Variants in B3GAT2 observed in about 807,000 individuals in gnomAD.
B3GAT2 encodes beta-1,3-glucuronyltransferase 2.
Under a neutral mutation model 27.8 loss-of-function variants are expected in B3GAT2, and 26 were observed. The observed-to-expected ratio is 0.93, with a 90% confidence interval of 0.68 to 1.30. The LOEUF (loss-of-function observed/expected upper bound fraction) is 1.30, where lower values mean the gene tolerates loss of function less well. Ranked by LOEUF, B3GAT2 falls within the 50% of genes most tolerant of loss-of-function variation. The pLI, the probability that B3GAT2 is intolerant of heterozygous loss-of-function variation, is 0.00. For missense variants in B3GAT2, 458 were observed against 459.0 expected (o/e 1.00, Z 0.02); for synonymous variants, 218 against 195.1 (o/e 1.12, Z -0.98).
intron 1 of B3GAT2, among the ~76,000 whole-genome samples, chr6:70,947,134 G>A (rs1765499973): frequency 2.0e-5 from 3 of 152,012 alleles, no homozygotes; most frequent in African/African-American, 7.2e-5. Context: ...AAGCAGGAAA[G>A]ATTCAAAATT....
intron 2 of B3GAT2, among the ~76,000 whole-genome samples, chr6:70,881,363 C>G (rs1271373220): frequency 1.3e-5 from 2 of 152,200 alleles, no homozygotes; most frequent in Non-Finnish European, 2.9e-5. Context: ...TTCCTATACT[C>G]TTTCAGTGGG....
rs775354035 is a variant in B3GAT2 at position 70,859,353 on chromosome 6, C to G, written c.*2310G>C. 3.9e-6 allele frequency: 6 copies of G among 1,549,058 alleles called. No homozygotes were observed. In the South Asian group the frequency reaches 4.8e-5, roughly 12 times the overall value. On this transcript the variant is annotated 3_prime_UTR_variant, in exon 4 of 4. Coordinates refer to ENST00000230053, the MANE Select transcript of B3GAT2 (RefSeq NM_080742.3). Reference sequence around the variant, plus strand: ...GATAATGCAGAAGGGTGATGCTGTTCTCCAGCACTCCATCAGTGCAATCTA... The same window carrying G: ...GATAATGCAGAAGGGTGATGCTGTTGTCCAGCACTCCATCAGTGCAATCTA...
chr6:70,915,631 C>T (rs1187340742), intron 1 of B3GAT2, among the ~76,000 whole-genome samples: 1 of 152,156 alleles, frequency 6.6e-6, no homozygotes, highest in Admixed American at 6.5e-5. Context: ...TATGGCTAGC[C>T]TGTTTTCCCA....
chr6:70,936,603 T>TA (rs1562234238), intron 1 of B3GAT2, among the ~76,000 whole-genome samples: 4 of 151,892 alleles, frequency 2.6e-5, no homozygotes, highest in African/African-American at 9.7e-5. Flanking sequence ...AGAAACTCAC[T>TA]CAAAACCGCT....
intron 1 of B3GAT2, among the ~76,000 whole-genome samples, chr6:70,919,106 T>C (rs1395147411): frequency 1.3e-5 from 2 of 152,240 alleles, no homozygotes; most frequent in African/African-American, 4.8e-5. Context: ...TTTCACTCTT[T>C]TTTCTCTAAT....
intron 1 of B3GAT2, among the ~76,000 whole-genome samples, chr6:70,929,628 A>T (rs1418572824): frequency 6.6e-6 from 1 of 152,226 alleles, no homozygotes; most frequent in Admixed American, 6.5e-5. Context: ...CCAGGAATCC[A>T]ACTTACAAGG....
chr6:70,936,391 C>T (rs1222847114), intron 1 of B3GAT2, among the ~76,000 whole-genome samples: 1 of 152,002 alleles, frequency 6.6e-6, no homozygotes, highest in Non-Finnish European at 1.5e-5. Flanking sequence ...CTCAGCTCTG[C>T]ACCAAGCGGA....
At chr6:70,897,291 C>G (rs1772404057) in intron 1 of B3GAT2, among the ~76,000 whole-genome samples, 1 of 151,972 alleles carries the variant, frequency 6.6e-6, no homozygotes, top group Non-Finnish European at 1.5e-5. Context: ...GCACACAAAT[C>G]TTTTATATGA....
chr6:70,953,295 C>G (rs367889427), intron 1 of B3GAT2, among the ~76,000 whole-genome samples: 1 of 152,182 alleles, frequency 6.6e-6, no homozygotes, highest in East Asian at 1.9e-4. Context: ...ATAATTTACA[C>G]GGAATCATTA....
At chr6:70,931,436 TG>T (rs1773061561) in intron 1 of B3GAT2, among the ~76,000 whole-genome samples, 1 of 152,164 alleles carries the variant, frequency 6.6e-6, no homozygotes, top group Non-Finnish European at 1.5e-5. Flanking sequence ...CAGCTGTACA[TG>T]TGTAAAGCTC....
chr6:70,883,110 C>T (rs565752806), intron 2 of B3GAT2, among the ~76,000 whole-genome samples: 2 of 152,254 alleles, frequency 1.3e-5, no homozygotes, highest in African/African-American at 2.4e-5. Context: ...AATCTGGAAC[C>T]TTCCTGCATT....
chr6:70,883,508 C>T (rs999359221), intron 2 of B3GAT2, among the ~76,000 whole-genome samples: 2 of 149,754 alleles, frequency 1.3e-5, no homozygotes, highest in Non-Finnish European at 3.0e-5. Context: ...TATGAGGTAC[C>T]TAGAATAGTC....
chr6:70,861,982 TGTG>T lies in B3GAT2; in HGVS notation c.737-7_737-5del. ...ACTTGAAGACTTACAGCAAATCCTTTGTGAAAAATAAAAAAAAAAAAGAGACTT... is the reference window on the plus strand; with the variant it reads ...ACTTGAAGACTTACAGCAAATCCTTTAAAAATAAAAAAAAAAAAGAGACTT... On this transcript the variant is annotated splice_polypyrimidine_tract_variant and splice_region_variant and intron_variant, in intron 2 of 3. Transcript: ENST00000230053. The T allele has an allele frequency of 6.4e-7, 1 of 1,572,388 alleles. No homozygotes were observed. Among genetic ancestry groups the T allele is most frequent in the Admixed American group, 2.0e-5 (1 of 49,258 alleles).
intron 1 of B3GAT2, among the ~76,000 whole-genome samples, chr6:70,912,646 GGATGATGCTGGCCTTATA>G (rs1772706843): frequency 2.4e-5 from 1 of 42,180 alleles, no homozygotes; most frequent in East Asian, 1.8e-3. Context: ...CCTTATATCA[GGATGATGCTGGCCTTATA>G]TCAGGATGAT....
At position 70,939,109 on chromosome 6, in the gene B3GAT2, C is replaced by A. The variant is rs187920599; in HGVS notation, c.591+16730G>T. Among the ~76,000 whole-genome samples the A allele has an allele frequency of 4.9e-3, 742 of 152,180 alleles. 7 individuals carry two copies. Among genetic ancestry groups the A allele is most frequent in the African/African-American group, 0.015 (639 of 41,504 alleles). On this transcript the variant is annotated intron_variant, in intron 1 of 3. Coordinates refer to ENST00000230053, the MANE Select transcript of B3GAT2 (RefSeq NM_080742.3). ...GCGAAGGACATGAATAGACACTTCT[C>A]AAAAGAAGACATTTATGCAGCCAAA...
chr6:70,917,891 G>A (rs944122202), intron 1 of B3GAT2, among the ~76,000 whole-genome samples: 2 of 152,200 alleles, frequency 1.3e-5, no homozygotes, highest in Non-Finnish European at 2.9e-5. Flanking sequence ...GGGAAGAAGA[G>A]TTCTGTAGAT....
intron 2 of B3GAT2, among the ~76,000 whole-genome samples, chr6:70,880,076 G>A (rs1483543809): frequency 1.3e-5 from 2 of 151,446 alleles, no homozygotes; most frequent in Non-Finnish European, 2.9e-5. Flanking sequence ...AGAGATGACG[G>A]GGCGTGGGGG....
At chr6:70,865,854 T>C (rs1397112872) in intron 2 of B3GAT2, among the ~76,000 whole-genome samples, 1 of 152,118 alleles carries the variant, frequency 6.6e-6, no homozygotes, top group Non-Finnish European at 1.5e-5. Flanking sequence ...CAGAGATCTC[T>C]GAGAAAAGAG....
chr6:70,909,909 T>G (rs1045311766), intron 1 of B3GAT2, among the ~76,000 whole-genome samples: 1 of 152,160 alleles, frequency 6.6e-6, no homozygotes, highest in Non-Finnish European at 1.5e-5. Context: ...AGTCTTGCTT[T>G]GTTGCCCAGG....
Sources: gnomAD v4.1 joint callset for allele counts (sites outside exome capture counted in the v4.1 genomes callset) on GRCh38, gnomAD v4.1.1 for gene constraint, MANE v1.5 for transcripts, NCBI Gene and HGNC (gene_info 2026-07-23, HGNC 2026-07-21) for gene names.